ANKS1B: variants seen among roughly 807,000 people sequenced by gnomAD.
ANKS1B encodes the protein ankyrin repeat and sterile alpha motif domain containing 1B, also known as ankyrin repeat and sterile alpha motif domain-containing protein 1B.
Under a neutral mutation model 148.3 loss-of-function variants are expected in ANKS1B, and 36 were observed. The ratio of observed to expected loss-of-function variants is 0.24; its 90% CI spans 0.19 to 0.32. The LOEUF (loss-of-function observed/expected upper bound fraction) is 0.32, where lower values mean the gene tolerates loss of function less well. ANKS1B is among the 10% of genes least tolerant of loss of function. ANKS1B has a pLI of 1.00. For synonymous variants in ANKS1B, 542 were observed against 560.8 expected (o/e 0.97, Z 0.47); for missense variants, 1,157 against 1,542.6 (o/e 0.75, Z 4.19).
rs56955440 is a variant in ANKS1B at position 99,258,610 on chromosome 12, G to GTTTT, written c.1757-11750_1757-11747dup. Among the ~76,000 whole-genome samples the GTTTT allele has an allele frequency of 2.0e-3, 271 of 134,736 alleles. 2 individuals carry two copies. The highest frequency in any genetic ancestry group is 6.6e-3 in the African/African-American group (240 of 36,474). 88.4% of individuals were successfully genotyped at this position (134,736 alleles called of 152,430 possible). On this transcript the variant is annotated intron_variant, in intron 12 of 26. Coordinates refer to ENST00000683438, the MANE Select transcript of ANKS1B (RefSeq NM_001352186.2). ...TATTAGGGAGAAATATTATCCACTT[G>GTTTT]TTTTTTTTTTTTTTTTTTACTTATA...
At chr12:99,612,844 G>T (rs1257428217) in intron 9 of ANKS1B, among the ~76,000 whole-genome samples, 1 of 152,066 alleles carries the variant, frequency 6.6e-6, no homozygotes, top group Admixed American at 6.6e-5. Context: ...CCTTTCTTGA[G>T]TAAGCAGCTA....
chr12:99,160,523 T>G (rs1181017166), intron 14 of ANKS1B, among the ~76,000 whole-genome samples: 1 of 132,890 alleles, frequency 7.5e-6, no homozygotes, highest in African/African-American at 2.9e-5. Flanking sequence ...TTTTTTTTTG[T>G]ATTTTTAGTA....
chr12:99,479,155 G>A (rs1209903410), intron 10 of ANKS1B, among the ~76,000 whole-genome samples: 6 of 151,920 alleles, frequency 3.9e-5, no homozygotes, highest in Non-Finnish European at 5.9e-5. Context: ...TTGAAAAAGT[G>A]GATTCATATA....
intron 9 of ANKS1B, among the ~76,000 whole-genome samples, chr12:99,529,830 A>G (rs772206106): frequency 4.0e-5 from 6 of 151,432 alleles, no homozygotes; most frequent in Admixed American, 6.6e-5. Context: ...ATTTAGCTCC[A>G]TTTTAACCAG....
intron 23 of ANKS1B, chr12:98,781,410 C>T (rs755955252): frequency 3.1e-5 from 20 of 646,568 alleles, no homozygotes; most frequent in African/African-American, 7.2e-5. Context: ...AGCTATACTT[C>T]GGGCTTATAA....
intron 14 of ANKS1B, among the ~76,000 whole-genome samples, chr12:99,226,460 T>C (rs2085951285): frequency 1.3e-5 from 2 of 152,356 alleles, no homozygotes; most frequent in South Asian, 4.1e-4. Flanking sequence ...GAAATTCTTG[T>C]TTGATACAGA....
At chr12:99,679,540 CT>C (rs1222764295) in intron 8 of ANKS1B, among the ~76,000 whole-genome samples, 1 of 151,862 alleles carries the variant, frequency 6.6e-6, no homozygotes, top group Non-Finnish European at 1.5e-5. Flanking sequence ...AAACTCCTGA[CT>C]TCAAGTGATC....
At chr12:99,860,562 A>G (rs1300782606) in intron 1 of ANKS1B, among the ~76,000 whole-genome samples, 1 of 152,228 alleles carries the variant, frequency 6.6e-6, no homozygotes, top group Non-Finnish European at 1.5e-5. Flanking sequence ...CCTCTGGAGG[A>G]CACATGGAGG....
chr12:99,679,290 G>C (rs1002852717), intron 8 of ANKS1B, among the ~76,000 whole-genome samples: 1 of 152,120 alleles, frequency 6.6e-6, no homozygotes, highest in Non-Finnish European at 1.5e-5. Context: ...ATAATCTGAT[G>C]ATTTTTGAAC....
rs77384948 is a variant in ANKS1B at position 98,909,700 on chromosome 12, T to C, written c.2779-77564A>G. ...CGTTATCCCTTAGATAACTGTAGGGTCATGCTGATATTAGTCATTGTACTG... is the reference window on the plus strand; with the variant it reads ...CGTTATCCCTTAGATAACTGTAGGGCCATGCTGATATTAGTCATTGTACTG... On this transcript the variant is annotated intron_variant, in intron 17 of 26. Transcript: ENST00000683438. Among the ~76,000 whole-genome samples the C allele has an allele frequency of 8.3e-3, 1,264 of 152,182 alleles. 13 individuals carry two copies. Among genetic ancestry groups the C allele is most frequent in the African/African-American group, 0.026 (1,069 of 41,504 alleles).
chr12:99,412,228 TTCTC>T (rs901791991), intron 11 of ANKS1B, among the ~76,000 whole-genome samples: 2 of 152,150 alleles, frequency 1.3e-5, no homozygotes, highest in African/African-American at 4.8e-5. Context: ...TAAGCCTGGT[TTCTC>T]TCTTTTTGGT....
chr12:98,796,331 A>G (rs547436262), intron 22 of ANKS1B, among the ~76,000 whole-genome samples: 1 of 152,316 alleles, frequency 6.6e-6, no homozygotes, highest in East Asian at 1.9e-4. Flanking sequence ...TTAATCTACA[A>G]TACTTTGGCC....
At chr12:99,942,051 A>AT (rs1213081498) in intron 1 of ANKS1B, among the ~76,000 whole-genome samples, 1 of 152,192 alleles carries the variant, frequency 6.6e-6, no homozygotes, top group Non-Finnish European at 1.5e-5. Flanking sequence ...TCTAGCATAA[A>AT]TATGAGAGCT....
Position 99,583,187 on chromosome 12 carries a change from C to T in ANKS1B, c.1272+71880G>A, listed in dbSNP as rs141414593. On this transcript the variant is annotated intron_variant, in intron 9 of 26. Coordinates refer to ENST00000683438, the MANE Select transcript of ANKS1B (RefSeq NM_001352186.2). ...AGTACACTCTATTGCTTTGGGATCACCAAAATTAATCACTTCAACTAAAGG... is the reference window on the plus strand; with the variant it reads ...AGTACACTCTATTGCTTTGGGATCATCAAAATTAATCACTTCAACTAAAGG... 1.8e-4 allele frequency among the ~76,000 whole-genome samples: 28 copies of T among 152,156 alleles called. No individual in the cohort carries two copies. In the East Asian group the frequency reaches 5.4e-3, roughly 29 times the overall value.
chr12:99,884,958 A>G (rs2092743112), intron 1 of ANKS1B, among the ~76,000 whole-genome samples: 1 of 152,082 alleles, frequency 6.6e-6, no homozygotes, highest in Non-Finnish European at 1.5e-5. Context: ...GCAACAACTT[A>G]GGATCCCATA....
chr12:98,965,907 T>C (rs2099877430), intron 17 of ANKS1B, among the ~76,000 whole-genome samples: 2 of 152,184 alleles, frequency 1.3e-5, no homozygotes, highest in South Asian at 4.1e-4. Context: ...TCAAGATGGA[T>C]TAAAGACTTA....
intron 12 of ANKS1B, among the ~76,000 whole-genome samples, chr12:99,271,036 G>A (rs1242847549): frequency 6.6e-6 from 1 of 152,178 alleles, no homozygotes; most frequent in Non-Finnish European, 1.5e-5. Context: ...CTAATCTAAA[G>A]GATAAAGCCC....
chr12:98,785,018 T>C (rs1472101503), intron 22 of ANKS1B, among the ~76,000 whole-genome samples: 1 of 151,970 alleles, frequency 6.6e-6, no homozygotes, highest in Non-Finnish European at 1.5e-5. Context: ...GGGTGGGAAA[T>C]CTTCTGGGTA....
chr12:99,608,376 G>A (rs900101043), intron 9 of ANKS1B, among the ~76,000 whole-genome samples: 13 of 152,092 alleles, frequency 8.5e-5, no homozygotes, highest in African/African-American at 3.1e-4. Context: ...TCAAACACCT[G>A]AGGCTTCTCT....
Sources: allele counts gnomAD v4.1 joint callset (sites outside exome capture counted in the v4.1 genomes callset), GRCh38; gene constraint gnomAD v4.1.1; transcripts MANE v1.5; gene names NCBI Gene and HGNC (gene_info 2026-07-23, HGNC 2026-07-21).